The following LARGE1 variants were observed in gnomAD, a reference collection of about 807,000 sequenced individuals.
LARGE1 encodes the protein LARGE xylosyl- and glucuronyltransferase 1.
LARGE1 carries 43 observed loss-of-function variants against 87.6 expected under a neutral mutation model. That is an observed-to-expected ratio of 0.49 (90% CI 0.38 to 0.63). LARGE1 has a LOEUF of 0.63. Ranked by LOEUF, LARGE1 falls within the 30% of genes least tolerant of loss-of-function variation. The pLI is 0.00. For missense variants in LARGE1, 802 were observed against 1,000.2 expected, an observed-to-expected ratio of 0.80 and a Z score of 2.67; for synonymous variants, 434 against 394.6, an observed-to-expected ratio of 1.10 and a Z score of -1.18.
intron 2 of LARGE1, among the ~76,000 whole-genome samples, chr22:33,735,708 A>G (rs1233912086): frequency 1.3e-5 from 2 of 152,182 alleles, no homozygotes; most frequent in African/African-American, 4.8e-5. Context: ...AGTGGTTTTT[A>G]GGGTATTCAG....
chr22:33,870,375 G>A (rs1488181502), intron 1 of LARGE1, among the ~76,000 whole-genome samples: 1 of 152,172 alleles, frequency 6.6e-6, no homozygotes, highest in African/African-American at 2.4e-5. Flanking sequence ...AACTGATACA[G>A]TCCTCACCAC....
chr22:33,141,439 T>C, the LARGE1 span, among the ~76,000 whole-genome samples: 15 of 152,196 alleles, frequency 9.9e-5, no homozygotes, highest in Non-Finnish European at 1.8e-4. Flanking sequence ...GCTGCATTCA[T>C]GAAGCACTCA....
At chr22:33,379,354 G>C (rs1204037069) in intron 9 of LARGE1, among the ~76,000 whole-genome samples, 1 of 151,456 alleles carries the variant, frequency 6.6e-6, no homozygotes, top group East Asian at 1.9e-4. Context: ...ATGTTGGTGT[G>C]CTGCACCCAC....
intron 7 of LARGE1, among the ~76,000 whole-genome samples, chr22:33,391,385 T>C (rs189281759): frequency 1.3e-5 from 2 of 152,152 alleles, no homozygotes; most frequent in East Asian, 1.9e-4. Flanking sequence ...GGAAGAACTA[T>C]GGGAGCTGGG....
At chr22:33,499,686 A>G (rs2070335380) in intron 6 of LARGE1, among the ~76,000 whole-genome samples, 1 of 147,058 alleles carries the variant, frequency 6.8e-6, no homozygotes, top group Admixed American at 6.7e-5. Flanking sequence ...TATAGGCATG[A>G]GGAGTCCTAA....
chr22:33,650,429 C>A lies in LARGE1; in HGVS notation c.346G>T (p.Ala116Ser), dbSNP rs1043459846. 1 of 1,614,128 alleles carries A rather than the reference C, an allele frequency of 6.2e-7. No homozygotes were observed. Among genetic ancestry groups the A allele is most frequent in the Non-Finnish European group, 8.5e-7 (1 of 1,180,050 alleles). Residue 116 changes from alanine (A) to serine (S), a missense_variant, in exon 3 of 15, where the codon GCT becomes TCT. Physicochemically the swap from Ala to Ser is moderately conservative, Grantham distance 99 (BLOSUM62 1). This residue lies in a region of LARGE1 where 177 missense variants were observed against 158.3 expected (regional missense o/e 1.12). Transcript: ENST00000397394. ...EGTGDSENLRAGIVAGNSSEC... is the reference protein window; with the variant it reads ...EGTGDSENLRSGIVAGNSSEC... ...GAGCTGTTGCCTGCCACGATGCCAG[C>A]CCGAAGGTTCTCGCTGTCTCCAGTG...
chr22:33,834,053 A>G (rs1601730440), intron 1 of LARGE1, among the ~76,000 whole-genome samples: 1 of 152,186 alleles, frequency 6.6e-6, no homozygotes, highest in East Asian at 1.9e-4. Context: ...GGAGCCACTC[A>G]GCCACCGAGT....
At chr22:33,900,275 G>A (rs1266086501) in intron 1 of LARGE1, among the ~76,000 whole-genome samples, 3 of 152,160 alleles carry the variant, frequency 2.0e-5, no homozygotes, top group Non-Finnish European at 4.4e-5. Context: ...CTCCCGGGTG[G>A]TGCTCCCCCT....
chr22:33,325,498 G>A (rs961403066), intron 10 of LARGE1, among the ~76,000 whole-genome samples: 2 of 152,354 alleles, frequency 1.3e-5, no homozygotes, highest in South Asian at 2.1e-4. Flanking sequence ...AAGACAAAAG[G>A]AGCCTGGGTC....
chr22:33,605,451 C>G (rs944055704), intron 4 of LARGE1, among the ~76,000 whole-genome samples: 5 of 152,274 alleles, frequency 3.3e-5, no homozygotes, highest in Admixed American at 2.6e-4. Flanking sequence ...GAATCTTGAG[C>G]ATGTCACTTA....
At position 33,638,393 on chromosome 22, in the gene LARGE1, T is replaced by C. The variant is rs143982132; in HGVS notation, c.408+11974A>G. Among the ~76,000 whole-genome samples, 24 of 152,332 alleles carry C rather than the reference T, an allele frequency of 1.6e-4. No homozygotes were observed. The East Asian group carries it at 4.2e-3, about 27-fold the overall frequency. ...AGCTTCTTTTAGAAGAACAGACAGA[T>C]CTTTGCCTAAACTCACTGAGGAACG... On this transcript the variant is annotated intron_variant, in intron 3 of 14. Transcript: ENST00000397394.
At chr22:33,548,735 T>C (rs1480903653) in intron 6 of LARGE1, among the ~76,000 whole-genome samples, 2 of 152,204 alleles carry the variant, frequency 1.3e-5, no homozygotes, top group Admixed American at 1.3e-4. Context: ...TTTACAGCAG[T>C]GTGAGAACAG....
chr22:33,328,014 G>A (rs754351333), intron 10 of LARGE1, among the ~76,000 whole-genome samples: 1 of 152,112 alleles, frequency 6.6e-6, no homozygotes, highest in Non-Finnish European at 1.5e-5. Flanking sequence ...AAAAAGCCCC[G>A]TAGTCACAGA....
chr22:33,069,400 G>C, the LARGE1 span, among the ~76,000 whole-genome samples: 1 of 152,072 alleles, frequency 6.6e-6, no homozygotes, highest in African/African-American at 2.4e-5. Flanking sequence ...AAAGCACAAA[G>C]GAAAGTTCGG....
the LARGE1 span, among the ~76,000 whole-genome samples, chr22:33,068,427 C>T: frequency 4.6e-5 from 7 of 152,152 alleles, no homozygotes; most frequent in East Asian, 9.7e-4. Context: ...GGGCAGATCA[C>T]GAGGTCAGGA....
At chr22:33,109,131 G>A in the LARGE1 span, 1 of 152,178 alleles carries the variant, frequency 6.6e-6, no homozygotes, top group Admixed American at 6.5e-5. Context: ...GGGGAGAGGA[G>A]GTCACATTTC....
At chr22:33,489,032 C>T (rs1036871730) in intron 6 of LARGE1, among the ~76,000 whole-genome samples, 1 of 152,220 alleles carries the variant, frequency 6.6e-6, no homozygotes, top group Non-Finnish European at 1.5e-5. Context: ...GCAGTAGTCT[C>T]ATTTGGTCAT....
intron 1 of LARGE1, among the ~76,000 whole-genome samples, chr22:33,891,947 C>T (rs1275531992): frequency 6.6e-6 from 1 of 152,168 alleles, no homozygotes; most frequent in Non-Finnish European, 1.5e-5. Flanking sequence ...CTATTCTCGA[C>T]TTTGACAACA....
rs551582212 is a variant in LARGE1 at position 33,534,651 on chromosome 22, C to A, written c.787+30197G>T. Among the ~76,000 whole-genome samples, 150 of 152,188 alleles carry A rather than the reference C, an allele frequency of 9.9e-4. 1 individual carries two copies. Among genetic ancestry groups the A allele is most frequent in the African/African-American group, 3.6e-3 (149 of 41,500 alleles). Reference sequence around the variant, plus strand: ...GAGTGTGGATTATTAGAATTTGGAGCCCCACAGTGCTGGGACCCAGGCCTC... The same window carrying A: ...GAGTGTGGATTATTAGAATTTGGAGACCCACAGTGCTGGGACCCAGGCCTC... On this transcript the variant is annotated intron_variant, in intron 6 of 14. Coordinates refer to ENST00000397394, the MANE Select transcript of LARGE1 (RefSeq NM_133642.5).
Sources: allele counts gnomAD v4.1 joint callset (sites outside exome capture counted in the v4.1 genomes callset), GRCh38; gene constraint gnomAD v4.1.1; regional missense constraint gnomAD v4.1.1; transcripts MANE v1.5; gene names NCBI Gene and HGNC (gene_info 2026-07-23, HGNC 2026-07-21).